The following ARHGAP12 variants were observed in gnomAD, a reference collection of about 807,000 sequenced individuals.
ARHGAP12 encodes Rho GTPase activating protein 12, also known as rho GTPase-activating protein 12.
ARHGAP12 carries 64 observed loss-of-function variants against 108.6 expected under a neutral mutation model. The observed-to-expected ratio is 0.59, with a 90% CI of 0.48 to 0.73. The LOEUF (loss-of-function observed/expected upper bound fraction) is 0.73, where lower values mean the gene tolerates loss of function less well. Ranked by LOEUF, ARHGAP12 falls within the 30% of genes least tolerant of loss-of-function variation. The pLI, the probability that ARHGAP12 is intolerant of heterozygous loss-of-function variation, is 0.00. For synonymous variants in ARHGAP12, 312 were observed against 337.2 expected, an observed-to-expected ratio of 0.93 and a Z score of 0.82; for missense variants, 940 against 1,005.9, an observed-to-expected ratio of 0.93 and a Z score of 0.89.
In ARHGAP12 at chr10:31,928,721, T is replaced by C. The variant is rs1840181334; in HGVS notation, c.-149A>G. The C allele has an allele frequency of 6.6e-6, 1 of 151,592 alleles. No homozygotes were observed. Among genetic ancestry groups the C allele is most frequent in the South Asian group, 2.1e-4 (1 of 4,842 alleles). 9.4% of individuals were successfully genotyped at this position (151,592 alleles called of 1,614,324 possible). ...GCCTCGCAGCAGGCGGCTCCCTTCT[T>C]AGTCCGCCCCGCGGCTGCGGGTCGA... On this transcript the variant is annotated 5_prime_UTR_variant, in exon 1 of 20. Coordinates refer to ENST00000344936, the MANE Select transcript of ARHGAP12 (RefSeq NM_018287.7).
At chr10:31,922,470 A>G (rs952881335) in intron 1 of ARHGAP12, among the ~76,000 whole-genome samples, 2 of 151,258 alleles carry the variant, frequency 1.3e-5, no homozygotes, top group African/African-American at 4.9e-5. Context: ...AAGCATAATC[A>G]TAGCTCACTG....
intron 16 of ARHGAP12, 175 bp from the exon 17 acceptor site, chr10:31,809,482 G>C (rs1239423557): frequency 1.7e-6 from 1 of 596,226 alleles, no homozygotes; most frequent in Non-Finnish European, 3.0e-6. Context: ...GAGAGAGATG[G>C]AGATTCGCTC....
chr10:31,838,924 C>T (rs1414188591), intron 9 of ARHGAP12, among the ~76,000 whole-genome samples: 1 of 151,522 alleles, frequency 6.6e-6, no homozygotes, highest in Non-Finnish European at 1.5e-5. Context: ...ATCACCTAAG[C>T]CTGGTGGGGG....
intron 4 of ARHGAP12, among the ~76,000 whole-genome samples, chr10:31,858,857 T>C (rs1309389147): frequency 6.6e-6 from 1 of 152,068 alleles, no homozygotes; most frequent in African/African-American, 2.4e-5. Flanking sequence ...CTGAATTACC[T>C]ACACGGAAGA....
chr10:31,904,006 G>A (rs1839026614), intron 3 of ARHGAP12, among the ~76,000 whole-genome samples: 1 of 152,166 alleles, frequency 6.6e-6, no homozygotes, highest in African/African-American at 2.4e-5. Context: ...ATACGTTGCT[G>A]GTGGGAATTT....
intron 6 of ARHGAP12, among the ~76,000 whole-genome samples, chr10:31,847,551 G>A (rs1836508899): frequency 6.6e-6 from 1 of 152,160 alleles, no homozygotes; most frequent in African/African-American, 2.4e-5. Flanking sequence ...AGGCCACTGG[G>A]AGTAGTGTCT....
intron 3 of ARHGAP12, among the ~76,000 whole-genome samples, chr10:31,865,647 C>T (rs1005436557): frequency 2.6e-5 from 4 of 151,776 alleles, no homozygotes; most frequent in Non-Finnish European, 5.9e-5. Flanking sequence ...AGGCTGAAGC[C>T]GGTGGATCAC....
At chr10:31,864,371 A>C (rs1837243535) in intron 3 of ARHGAP12, among the ~76,000 whole-genome samples, 1 of 152,198 alleles carries the variant, frequency 6.6e-6, no homozygotes, top group African/African-American at 2.4e-5. Flanking sequence ...ATCAAGTAAG[A>C]ATATTTGTAA....
At chr10:31,883,419 A>T (rs1464691197) in intron 3 of ARHGAP12, among the ~76,000 whole-genome samples, 1 of 152,244 alleles carries the variant, frequency 6.6e-6, no homozygotes, top group Admixed American at 6.5e-5. Flanking sequence ...AATTCATCTT[A>T]AAGTATTGAA....
intron 3 of ARHGAP12, among the ~76,000 whole-genome samples, chr10:31,863,149 C>T (rs1216102515): frequency 1.3e-5 from 2 of 152,092 alleles, no homozygotes; most frequent in Admixed American, 6.5e-5. Context: ...GATGCAAATT[C>T]GACTATTTTC....
In ARHGAP12 at chr10:31,908,607, C is replaced by G; in HGVS notation, c.249G>C (p.Gln83His). The G allele has an allele frequency of 6.2e-7, 1 of 1,614,208 alleles. No individual in the cohort carries two copies. The highest frequency in any genetic ancestry group is 8.5e-7 in the Non-Finnish European group (1 of 1,180,036). ...TRKALMPPVK[Q>H]VAGLPNNSTK... is the part of the protein sequence containing the mutation. ...TGGAGTTATTTGGCAGACCAGCTACCTGCTTAACAGGTGGCATGAGAGCTT... is the reference window on the plus strand; with the variant it reads ...TGGAGTTATTTGGCAGACCAGCTACGTGCTTAACAGGTGGCATGAGAGCTT... The change falls in exon 3 of 20, where the codon CAG becomes CAC. Residue 83 changes from glutamine (Q) to histidine (H), a missense_variant. Transcript: ENST00000344936.
At position 31,818,099 on chromosome 10, in the gene ARHGAP12, CATA is replaced by C. The variant is rs767404330; in HGVS notation, c.1633-216_1633-214del. Among the ~76,000 whole-genome samples, 686 of 152,256 alleles carry C rather than the reference CATA, an allele frequency of 4.5e-3. 2 individuals are homozygous for C. Among genetic ancestry groups the C allele is most frequent in the Non-Finnish European group, 8.2e-3 (560 of 68,024 alleles). ...AATAAAAAAACATAAAGTTGTTTCTCATAATAAATTCTCACAAAAATCTAATAA... is the reference window on the plus strand; with the variant it reads ...AATAAAAAAACATAAAGTTGTTTCTCATAAATTCTCACAAAAATCTAATAA... On this transcript the variant is annotated intron_variant, in intron 12 of 19. Transcript: ENST00000344936.
intron 3 of ARHGAP12, among the ~76,000 whole-genome samples, chr10:31,877,776 A>G (rs1837785742): frequency 6.6e-6 from 1 of 152,250 alleles, no homozygotes; most frequent in Admixed American, 6.5e-5. Flanking sequence ...CTCAAGGAAG[A>G]TATTTAGCAG....
At chr10:31,813,113 T>C (rs985456946) in intron 14 of ARHGAP12, among the ~76,000 whole-genome samples, 2 of 152,148 alleles carry the variant, frequency 1.3e-5, no homozygotes, top group African/African-American at 2.4e-5. Flanking sequence ...TACTCTAACA[T>C]ATTCTTTATT....
intron 4 of ARHGAP12, among the ~76,000 whole-genome samples, chr10:31,859,065 G>A (rs150744714): frequency 9.2e-5 from 14 of 152,290 alleles, no homozygotes; most frequent in African/African-American, 3.1e-4. Context: ...GCTGCTAGGT[G>A]TGCAGCCCAT....
At chr10:31,855,476 T>C (rs909929139) in intron 4 of ARHGAP12, among the ~76,000 whole-genome samples, 1 of 152,168 alleles carries the variant, frequency 6.6e-6, no homozygotes, top group Non-Finnish European at 1.5e-5. Flanking sequence ...ATTCTCAAGA[T>C]TGTAGTTAAA....
chr10:31,817,729 TAA>T (rs201062581), intron 13 of ARHGAP12, 57 bp downstream of exon 13: 541 of 916,230 alleles, frequency 5.9e-4, no homozygotes, highest in Non-Finnish European at 6.7e-4. Flanking sequence ...AATAAGCAAT[TAA>T]AAAAAAAAAA....
At chr10:31,899,014 A>T (rs1176031230) in intron 3 of ARHGAP12, among the ~76,000 whole-genome samples, 1 of 152,226 alleles carries the variant, frequency 6.6e-6, no homozygotes, top group African/African-American at 2.4e-5. Flanking sequence ...GATACATGCT[A>T]CACACAACAT....
At chr10:31,816,083 G>A (rs576618708) in intron 13 of ARHGAP12, among the ~76,000 whole-genome samples, 7 of 151,878 alleles carry the variant, frequency 4.6e-5, no homozygotes, top group South Asian at 2.1e-4. Context: ...CCCAGGAGAC[G>A]GAGGTTGCCG....
Sources: allele counts gnomAD v4.1 joint callset (sites outside exome capture counted in the v4.1 genomes callset), GRCh38; gene constraint gnomAD v4.1.1; transcripts MANE v1.5; gene names NCBI Gene and HGNC (gene_info 2026-07-23, HGNC 2026-07-21).